Variants in KLRG2 observed in about 807,000 individuals in gnomAD.
KLRG2 encodes the protein killer cell lectin like receptor G2.
A neutral mutation model predicts 35.4 loss-of-function variants in KLRG2; 39 were observed. The ratio of observed to expected loss-of-function variants is 1.10; its 90% CI spans 0.85 to 1.44. The LOEUF (loss-of-function observed/expected upper bound fraction) is 1.44. Among genes scored for constraint, KLRG2 ranks in the 40% most tolerant of loss-of-function variants. The probability of loss-of-function intolerance (pLI) is 0.00; values close to 1 mark genes in which losing one functional copy is unlikely to be tolerated. For missense variants in KLRG2, 632 were observed against 570.9 expected, an observed-to-expected ratio of 1.11 and a Z score of -1.09; for synonymous variants, 283 against 265.8, an observed-to-expected ratio of 1.06 and a Z score of -0.63.
Position 139,453,392 on chromosome 7 carries a change from GA to G in KLRG2, c.*194del, listed in dbSNP as rs1232063616. ...ATTGGCACTCAGGCCTGAGGCCATA[GA>G]AAATCTCCTTTCCCTCGGATGCATC... On this transcript the variant is annotated 3_prime_UTR_variant, in exon 5 of 5. Transcript: ENST00000340940. 2.5e-5 allele frequency: 15 copies of G among 590,882 alleles called. No homozygotes were observed. The highest frequency in any genetic ancestry group is 3.8e-5 in the Non-Finnish European group (13 of 339,892). 36.6% of individuals were successfully genotyped at this position (590,882 alleles called of 1,614,324 possible). A position where few individuals can be genotyped will look rare whatever the true frequency, so the allele number is the denominator to read the frequency against.
chr7:139,476,264 G>C (rs776733804), intron 3 of KLRG2, among the ~76,000 whole-genome samples: 3 of 152,108 alleles, frequency 2.0e-5, no homozygotes, highest in Non-Finnish European at 4.4e-5. Context: ...TGAAACCAAC[G>C]AAAAGACATG....
chr7:139,431,307 C>T, the KLRG2 span, among the ~76,000 whole-genome samples: 1 of 152,164 alleles, frequency 6.6e-6, no homozygotes, highest in Non-Finnish European at 1.5e-5. Context: ...TGGAAATCTT[C>T]CATATTTTGA....
chr7:139,461,772 G>T (rs961629583), intron 3 of KLRG2, among the ~76,000 whole-genome samples: 2 of 151,638 alleles, frequency 1.3e-5, no homozygotes, highest in Non-Finnish European at 2.9e-5. Flanking sequence ...GACTCTTTTC[G>T]GACTCAGCCC....
chr7:139,428,119 G>T, the KLRG2 span, among the ~76,000 whole-genome samples: 2 of 152,172 alleles, frequency 1.3e-5, no homozygotes, highest in Non-Finnish European at 2.9e-5. Context: ...AATGAAGCAG[G>T]ATGATAACTG....
chr7:139,480,096 C>A (rs1041050426), intron 2 of KLRG2, 50 bp downstream of exon 2: 1 of 1,231,784 alleles, frequency 8.1e-7, no homozygotes, highest in Non-Finnish European at 1.2e-6. Flanking sequence ...AACACAGCCC[C>A]AGTAGTGGAG....
chr7:139,468,711 C>T (rs990995753), intron 3 of KLRG2, among the ~76,000 whole-genome samples: 3 of 152,192 alleles, frequency 2.0e-5, no homozygotes, highest in African/African-American at 7.2e-5. Flanking sequence ...CAAAATGTCA[C>T]ATGTGTCAGT....
chr7:139,448,154 C>T (rs1381123797), downstream of KLRG2, among the ~76,000 whole-genome samples: 7 of 152,026 alleles, frequency 4.6e-5, no homozygotes, highest in Admixed American at 4.6e-4. Context: ...GGCCACCACG[C>T]CCAGCTTATT....
intron 3 of KLRG2, among the ~76,000 whole-genome samples, chr7:139,474,506 C>G (rs1312681987): frequency 6.6e-6 from 1 of 152,094 alleles, no homozygotes; most frequent in African/African-American, 2.4e-5. Flanking sequence ...CACTTGTAAT[C>G]CCAGAACTTT....
Position 139,479,659 on chromosome 7 carries a change from G to A in KLRG2, c.973C>T (p.His325Tyr), listed in dbSNP as rs1046841619. 1.2e-6 allele frequency: 2 copies of A among 1,613,520 alleles called. No individual in the cohort carries two copies. Among genetic ancestry groups the A allele is most frequent in the African/African-American group, 2.7e-5 (2 of 74,922 alleles). ...EASQAFCSAY[H>Y]ATLPLLSHTQ... ...TGGCTTAGCAGGGGGAGGGTAGCGT[G>A]GTAGGCTGAGCAGAAAGCCTGGCTG... Residue 325 changes from histidine to tyrosine, a missense_variant, in exon 3 of 5, where the codon CAC (histidine) becomes TAC (tyrosine). Transcript: ENST00000340940.
At chr7:139,443,007 G>A in the KLRG2 span, among the ~76,000 whole-genome samples, 1 of 151,270 alleles carries the variant, frequency 6.6e-6, no homozygotes, top group East Asian at 1.9e-4. Flanking sequence ...CACAGAATAT[G>A]ATAGACATGA....
rs772270283 is a variant in KLRG2, at chr7:139,483,049, G to A, written c.594C>T (p.Asp198=). 5.8e-6 allele frequency: 8 copies of A among 1,375,410 alleles called. No homozygotes were observed. The Admixed American group carries it at 2.4e-4, about 41-fold the overall frequency. The allele number at this position is 1,375,410 out of a possible 1,614,324, so 85.2% of individuals were successfully genotyped here. A position where few individuals can be genotyped will look rare whatever the true frequency, so the allele number is the denominator to read the frequency against. Residue 198 remains aspartate, a synonymous_variant, in exon 1 of 5, where the codon GAC becomes GAT. Coordinates refer to ENST00000340940, the MANE Select transcript of KLRG2 (RefSeq NM_198508.4). ...CCGCGGGGCTGGCCCGGCCCTCTGC[G>A]TCGCAGCCGCTCTCCGTCCGGGCTG... ...LAAARTESGC[D]AEGRASPAEG...
rs180827204 is a variant in KLRG2 at position 139,471,846 on chromosome 7, C to T, written c.1005+7781G>A. On this transcript the variant is annotated intron_variant, in intron 3 of 4. Coordinates refer to ENST00000340940, the MANE Select transcript of KLRG2 (RefSeq NM_198508.4). ...CTGTCACTCATTGTCTGTCCCCAGG[C>T]GAGGTGGCACGAACAGAGGTGAGTC... Among the ~76,000 whole-genome samples the T allele has an allele frequency of 1.2e-3, 181 of 152,176 alleles. 1 individual carries two copies. The highest frequency in any genetic ancestry group is 3.8e-3 in the African/African-American group (157 of 41,522).
At chr7:139,468,544 C>A (rs879424068) in intron 3 of KLRG2, among the ~76,000 whole-genome samples, 4 of 152,170 alleles carry the variant, frequency 2.6e-5, no homozygotes, top group Non-Finnish European at 4.4e-5. Context: ...CCCTTATCTC[C>A]CTTCGCTGAC....
intron 3 of KLRG2, among the ~76,000 whole-genome samples, chr7:139,476,455 T>G (rs77856801): frequency 4.0e-5 from 6 of 151,534 alleles, no homozygotes; most frequent in Admixed American, 2.6e-4. Flanking sequence ...TTTTTTTTTT[T>G]CCTTGAGACA....
the KLRG2 span, among the ~76,000 whole-genome samples, chr7:139,436,280 C>T: frequency 1.9e-3 from 285 of 152,194 alleles, no homozygotes; most frequent in African/African-American, 5.4e-3. Flanking sequence ...GAAATAAAAA[C>T]GCAAGCATGG....
Position 139,479,644 on chromosome 7 carries a change from G to A in KLRG2, c.988C>T (p.Leu330=), listed in dbSNP as rs937761499. 6 of 1,613,154 alleles carry A rather than the reference G, an allele frequency of 3.7e-6. No homozygotes were observed. The highest frequency in any genetic ancestry group is 5.1e-6 in the Non-Finnish European group (6 of 1,179,974). ...FCSAYHATLP[L]LSHTQDFLGR... ...CTTCTCACCTGGGTGTGGCTTAGCA[G>A]GGGGAGGGTAGCGTGGTAGGCTGAG... The change falls in exon 3 of 5, where the codon CTG becomes TTG. Residue 330 remains leucine, a synonymous_variant. Coordinates refer to ENST00000340940, the MANE Select transcript of KLRG2 (RefSeq NM_198508.4).
At chr7:139,449,876 T>C (rs943469498), downstream of KLRG2, among the ~76,000 whole-genome samples, 95 of 150,256 alleles carry the variant, frequency 6.3e-4, 1 homozygote, top group African/African-American at 1.9e-3. Flanking sequence ...ATTTTTTTTG[T>C]ATTTTTAGTA....
chr7:139,454,760 A>G (rs113732870), intron 3 of KLRG2, among the ~76,000 whole-genome samples: 38,650 of 150,764 alleles, frequency 0.26, 5,356 homozygotes, highest in Admixed American at 0.37. Context: ...AGGTTGCAGT[A>G]AGCCGAGATT....
intron 1 of KLRG2, 27 bp from the exon 2 acceptor site, chr7:139,480,274 A>G: frequency 4.6e-6 from 6 of 1,308,926 alleles, no homozygotes; most frequent in Non-Finnish European, 6.6e-6. Context: ...CAGGATAATC[A>G]GATTAGTGGA....
Sources: gnomAD v4.1 joint callset for allele counts (sites outside exome capture counted in the v4.1 genomes callset) on GRCh38, gnomAD v4.1.1 for gene constraint, MANE v1.5 for transcripts, NCBI Gene and HGNC (gene_info 2026-07-23, HGNC 2026-07-21) for gene names.